The following FSTL4 variants were observed in gnomAD, a reference collection of about 807,000 sequenced individuals.
FSTL4 encodes the protein follistatin-related protein 4.
FSTL4 carries 28 observed loss-of-function variants against 78.2 expected under a neutral mutation model. The observed-to-expected ratio is 0.36, with a 90% CI of 0.27 to 0.49. The LOEUF (loss-of-function observed/expected upper bound fraction) is 0.49. FSTL4 is among the 20% of genes least tolerant of loss of function. The pLI is 0.98. For missense variants in FSTL4, 922 were observed against 1,084.9 expected (o/e 0.85, Z 2.11); for synonymous variants, 422 against 440.5 (o/e 0.96, Z 0.53).
At chr5:133,439,477 C>A (rs1005569353) in intron 3 of FSTL4, among the ~76,000 whole-genome samples, 4 of 152,116 alleles carry the variant, frequency 2.6e-5, no homozygotes, top group African/African-American at 9.7e-5. Flanking sequence ...AGGTGGGAGG[C>A]TGGCTGTCCT....
intron 4 of FSTL4, among the ~76,000 whole-genome samples, chr5:133,324,892 G>A (rs1406646719): frequency 6.6e-6 from 1 of 152,244 alleles, no homozygotes. Context: ...TGGTACATGT[G>A]GCCATGCTCA....
At chr5:133,312,802 G>A in intron 5 of FSTL4, 25 bp from the exon 6 acceptor site, 1 of 1,613,092 alleles carries the variant, frequency 6.2e-7, no homozygotes, top group South Asian at 1.1e-5. Context: ...GGAGAACAAG[G>A]CCAGAATCAG....
chr5:133,716,444 T>C, the FSTL4 span, among the ~76,000 whole-genome samples: 6 of 151,834 alleles, frequency 4.0e-5, no homozygotes, highest in African/African-American at 1.2e-4. Flanking sequence ...ATGGCAGAAA[T>C]AATGCTATGT....
chr5:133,569,853 A>G (rs1760110856), intron 2 of FSTL4, among the ~76,000 whole-genome samples: 1 of 152,128 alleles, frequency 6.6e-6, no homozygotes, highest in South Asian at 2.1e-4. Flanking sequence ...TTATTGGTCT[A>G]TAATTTTTTG....
the FSTL4 span, among the ~76,000 whole-genome samples, chr5:133,754,488 T>C: frequency 6.6e-6 from 1 of 152,196 alleles, no homozygotes; most frequent in African/African-American, 2.4e-5. Context: ...AATGGATAGT[T>C]TGATAGATGT....
intron 14 of FSTL4, chr5:133,209,918 A>G (rs991026936): frequency 9.1e-6 from 3 of 331,486 alleles, no homozygotes; most frequent in Non-Finnish European, 1.7e-5. Flanking sequence ...CTATTGGCTC[A>G]AGAGAGGCAG....
chr5:133,823,614 C>T, the FSTL4 span, among the ~76,000 whole-genome samples: 2 of 152,224 alleles, frequency 1.3e-5, no homozygotes, highest in South Asian at 4.1e-4. Context: ...GCCCCTGTCT[C>T]CTTCCCCACT....
At chr5:133,268,217 C>T (rs552447583) in intron 6 of FSTL4, among the ~76,000 whole-genome samples, 10 of 152,252 alleles carry the variant, frequency 6.6e-5, no homozygotes, top group African/African-American at 1.2e-4. Flanking sequence ...TCACCAAGAG[C>T]GGAGGCTAGA....
At chr5:133,600,721 C>T (rs1165130248) in intron 2 of FSTL4, among the ~76,000 whole-genome samples, 1 of 152,230 alleles carries the variant, frequency 6.6e-6, no homozygotes, top group Non-Finnish European at 1.5e-5. Context: ...ACCCTTAGGT[C>T]AATCAAGTAA....
At chr5:133,351,965 G>T (rs1754831843) in intron 4 of FSTL4, among the ~76,000 whole-genome samples, 1 of 129,434 alleles carries the variant, frequency 7.7e-6, no homozygotes, top group Admixed American at 7.2e-5. Flanking sequence ...GTCTAGTATG[G>T]CTCTTTTTTT....
chr5:133,274,513 T>G (rs1009692271), intron 6 of FSTL4, among the ~76,000 whole-genome samples: 6 of 151,066 alleles, frequency 4.0e-5, no homozygotes, highest in African/African-American at 1.5e-4. Context: ...GCCACCTATT[T>G]AAGAGGTTTC....
intron 4 of FSTL4, among the ~76,000 whole-genome samples, chr5:133,331,498 C>T (rs534392653): frequency 3.3e-5 from 5 of 152,288 alleles, no homozygotes; most frequent in East Asian, 3.9e-4. Flanking sequence ...GCGGAAGGGG[C>T]TCCTGGGGTC....
intron 1 of FSTL4, among the ~76,000 whole-genome samples, chr5:133,608,392 C>T (rs1430098322): frequency 6.6e-6 from 1 of 152,226 alleles, no homozygotes; most frequent in African/African-American, 2.4e-5. Context: ...AGACATTCCC[C>T]CAGTCAGGAG....
At chr5:133,309,528 G>GGGGGTACAGCCCCATCACGAA (rs1333462828) in intron 6 of FSTL4, among the ~76,000 whole-genome samples, 1 of 152,168 alleles carries the variant, frequency 6.6e-6, no homozygotes, top group East Asian at 1.9e-4. Context: ...GAGCCAGGAA[G>GGGGGTACAGCCCCATCACGAA]GGGGTACAGC....
At chr5:133,600,327 T>A (rs1050272201) in intron 2 of FSTL4, among the ~76,000 whole-genome samples, 1 of 151,998 alleles carries the variant, frequency 6.6e-6, no homozygotes, top group Non-Finnish European at 1.5e-5. Flanking sequence ...GATAGGTGTA[T>A]GAAATACATT....
At chr5:133,315,856 A>G (rs753220828) in intron 5 of FSTL4, among the ~76,000 whole-genome samples, 7 of 152,148 alleles carry the variant, frequency 4.6e-5, no homozygotes, top group African/African-American at 1.4e-4. Context: ...CTTGCTTTCT[A>G]TGTTGCAGAC....
the FSTL4 span, among the ~76,000 whole-genome samples, chr5:133,678,330 A>G: frequency 6.6e-6 from 1 of 152,210 alleles, no homozygotes; most frequent in Admixed American, 6.5e-5. Context: ...AGCAAAAGGT[A>G]ATGACAGCTC....
At chr5:133,224,615 T>C (rs1751266062) in intron 10 of FSTL4, among the ~76,000 whole-genome samples, 1 of 152,210 alleles carries the variant, frequency 6.6e-6, no homozygotes, top group Admixed American at 6.5e-5. Context: ...TTATCTACTT[T>C]GATGAAAATG....
chr5:133,206,654 G>A (rs1422774248), intron 14 of FSTL4, among the ~76,000 whole-genome samples: 3 of 152,256 alleles, frequency 2.0e-5, no homozygotes, highest in South Asian at 2.1e-4. Flanking sequence ...GAACCACTGC[G>A]CCTGGCCTAT....
Sources: gnomAD v4.1 joint callset for allele counts (sites outside exome capture counted in the v4.1 genomes callset) on GRCh38, gnomAD v4.1.1 for gene constraint, MANE v1.5 for transcripts, NCBI Gene and HGNC (gene_info 2026-07-23, HGNC 2026-07-21) for gene names.